Variants in NPM1 observed in about 807,000 individuals in gnomAD.
The protein encoded by NPM1 is nucleophosmin.
A neutral mutation model predicts 44.1 loss-of-function variants in NPM1; 1 was observed. The ratio of observed to expected loss-of-function variants is 0.02; its 90% CI spans 0.01 to 0.11. The LOEUF (loss-of-function observed/expected upper bound fraction) is 0.11. NPM1 is among the 10% of genes least tolerant of loss of function. The pLI, the probability that NPM1 is intolerant of heterozygous loss-of-function variation, is 1.00. For missense variants in NPM1, 197 were observed against 347.8 expected, an observed-to-expected ratio of 0.57 and a Z score of 3.45; for synonymous variants, 126 against 111.8, an observed-to-expected ratio of 1.13 and a Z score of -0.80.
chr5:171,396,533 T>A lies in NPM1; in HGVS notation c.524+3555T>A, dbSNP rs143798259. Among the ~76,000 whole-genome samples, 602 of 152,308 alleles carry A rather than the reference T, an allele frequency of 4.0e-3. 8 individuals are homozygous for A. Among genetic ancestry groups the A allele is most frequent in the African/African-American group, 0.014 (570 of 41,564 alleles). ...TTTTTCTAAATACAGCAAATATTTC[T>A]TCGGTATTGGAAAGATAGGTGTTTC... On this transcript the variant is annotated intron_variant, in intron 6 of 10. Transcript: ENST00000296930.
chr5:171,405,383 A>C lies in NPM1; in HGVS notation c.751A>C (p.Met251Leu). 6.4e-7 allele frequency: 1 copy of C among 1,559,402 alleles called. No homozygotes were observed. The highest frequency in any genetic ancestry group is 8.8e-7 in the Non-Finnish European group (1 of 1,136,846). Residue 251 changes from methionine (M) to leucine (L), a missense_variant, in exon 9 of 11, where the codon ATG (methionine) becomes CTG (leucine). Physicochemically the swap from Met to Leu is conservative, Grantham distance 15 (BLOSUM62 2). Around this residue, in one of 5 missense-constraint regions of NPM1, gnomAD observed 47 missense variants for 106.5 expected, o/e 0.44. Coordinates refer to ENST00000296930, the MANE Select transcript of NPM1 (RefSeq NM_002520.7). ...PSSVEDIKAK[M>L]QASIEKGGSL... The stretch of plus-strand genomic sequence containing the variant: ...TTCTGTAGAAGACATTAAAGCAAAA[A>C]TGCAAGCAAGTATAGAAAAAGTGAG...
intron 6 of NPM1, among the ~76,000 whole-genome samples, chr5:171,399,143 G>C (rs1227048579): frequency 6.6e-6 from 1 of 152,248 alleles, no homozygotes; most frequent in African/African-American, 2.4e-5. Context: ...GAGCCACGGT[G>C]CCTTGGCCCC....
intron 6 of NPM1, among the ~76,000 whole-genome samples, chr5:171,399,711 G>T (rs530836461): frequency 1.2e-4 from 18 of 151,196 alleles, no homozygotes; most frequent in Non-Finnish European, 2.6e-4. Flanking sequence ...AATTCACTCT[G>T]AGTGTACAGT....
intron 9 of NPM1, chr5:171,405,698 T>TA (rs1342769135): frequency 3.0e-6 from 1 of 329,968 alleles, no homozygotes; most frequent in African/African-American, 2.2e-5. Flanking sequence ...TGAAAACCCT[T>TA]TGCCTATTCT....
upstream of NPM1, chr5:171,387,741 G>A (rs923868143): frequency 2.3e-5 from 14 of 598,004 alleles, no homozygotes; most frequent in Admixed American, 5.9e-5. Flanking sequence ...GCGCAGGACG[G>A]CTACGGTACG....
chr5:171,391,118 A>G (rs1770555100), intron 2 of NPM1, 187 bp from the exon 3 acceptor site: 2 of 616,932 alleles, frequency 3.2e-6, no homozygotes, highest in African/African-American at 1.8e-5. Flanking sequence ...TGTGTGTAGT[A>G]GGCTATACCA....
At chr5:171,398,713 A>G (rs1286410164) in intron 6 of NPM1, among the ~76,000 whole-genome samples, 1 of 152,184 alleles carries the variant, frequency 6.6e-6, no homozygotes, top group African/African-American at 2.4e-5. Flanking sequence ...CAGAGGTTGC[A>G]GTGATCTGAG....
chr5:171,407,449 A>G (rs531416510), intron 9 of NPM1: 2 of 478,902 alleles, frequency 4.2e-6, no homozygotes, highest in East Asian at 3.7e-5. Flanking sequence ...TGTAGCTTAT[A>G]TTTTATGTTC....
At chr5:171,406,620 T>A in intron 9 of NPM1, 1 of 1,362,570 alleles carries the variant, frequency 7.3e-7, no homozygotes, top group Non-Finnish European at 9.4e-7. Context: ...TGTGATTCAG[T>A]GAACCTTGCC....
In NPM1 at chr5:171,395,946, T is replaced by G. The variant is rs953590469; in HGVS notation, c.524+2968T>G. ...ATGTCTTTTTTAATTTTTGGGGAAT[T>G]TCTTAAGTAAAGCTGAATTTTTTTT... On this transcript the variant is annotated intron_variant, in intron 6 of 10. Transcript: ENST00000296930. 4.7e-5 allele frequency among the ~76,000 whole-genome samples: 7 copies of G among 150,210 alleles called. No homozygotes were observed. The Admixed American group carries it at 4.7e-4, about 10-fold the overall frequency.
At chr5:171,390,914 G>A (rs1770544504) in intron 2 of NPM1, among the ~76,000 whole-genome samples, 1 of 148,408 alleles carries the variant, frequency 6.7e-6, no homozygotes, top group Non-Finnish European at 1.5e-5. Context: ...GTAGAGACGA[G>A]GTTGTTACCA....
At chr5:171,389,551 C>G (rs1435955621) in intron 1 of NPM1, among the ~76,000 whole-genome samples, 1 of 152,198 alleles carries the variant, frequency 6.6e-6, no homozygotes, top group Non-Finnish European at 1.5e-5. Flanking sequence ...ATGTCACTTT[C>G]TGTTGCTTTA....
chr5:171,387,689 A>T, upstream of NPM1: 1 of 481,322 alleles, frequency 2.1e-6, no homozygotes, highest in Non-Finnish European at 3.6e-6. Context: ...ACCTGGAAGG[A>T]GGTGGGGGCG....
intron 6 of NPM1, among the ~76,000 whole-genome samples, chr5:171,399,061 C>A (rs1215351416): frequency 6.6e-6 from 1 of 152,146 alleles, no homozygotes; most frequent in African/African-American, 2.4e-5. Context: ...ATTAGCCAGG[C>A]TGGTCTCAAA....
chr5:171,405,815 A>G, intron 9 of NPM1: 1 of 209,638 alleles, frequency 4.8e-6, no homozygotes, highest in Non-Finnish European at 9.4e-6. Context: ...TATAGTTAAT[A>G]TTCATGATTG....
intron 6 of NPM1, among the ~76,000 whole-genome samples, chr5:171,395,962 A>ATTTTTTTTTTTTTTTTTTTT (rs200119475): frequency 7.5e-6 from 1 of 133,440 alleles, no homozygotes. Flanking sequence ...AGTAAAGCTG[A>ATTTTTTTTTTTTTTTTTTTT]ATTTTTTTTT....
At chr5:171,405,524 C>T (rs1272587870) in intron 9 of NPM1, 121 bp downstream of exon 9, 10 of 639,352 alleles carry the variant, frequency 1.6e-5, no homozygotes, top group Middle Eastern at 2.5e-4. Context: ...TTGCCTGGTT[C>T]GTGGTATGAA....
chr5:171,388,797 G>A (rs892427340), intron 1 of NPM1, among the ~76,000 whole-genome samples: 1 of 152,180 alleles, frequency 6.6e-6, no homozygotes, highest in South Asian at 2.1e-4. Context: ...GTCTCACTGC[G>A]GTAGGTGGAG....
At chr5:171,390,004 A>G (rs1486041734) in intron 1 of NPM1, 47 bp from the exon 2 acceptor site, 13 of 1,143,786 alleles carry the variant, frequency 1.1e-5, no homozygotes, top group Non-Finnish European at 1.7e-5. Flanking sequence ...CTTAAGTTTC[A>G]GTGTTATTTT....
Sources: gnomAD v4.1 joint callset for allele counts (sites outside exome capture counted in the v4.1 genomes callset) on GRCh38, gnomAD v4.1.1 for gene constraint, gnomAD v4.1.1 regional missense constraint, MANE v1.5 for transcripts, NCBI Gene and HGNC (gene_info 2026-07-23, HGNC 2026-07-21) for gene names.